Variants in TMIGD1 observed in about 807,000 individuals in gnomAD.
The protein encoded by TMIGD1 is transmembrane and immunoglobulin domain-containing protein 1.
Under a neutral mutation model 27.5 loss-of-function variants are expected in TMIGD1, and 29 were observed. The observed-to-expected ratio is 1.05, with a 90% CI of 0.78 to 1.44. The LOEUF (loss-of-function observed/expected upper bound fraction) is 1.44. Ranked by LOEUF, TMIGD1 falls within the 40% of genes most tolerant of loss-of-function variation. The probability of loss-of-function intolerance (pLI) is 0.00; values close to 1 mark genes in which losing one functional copy is unlikely to be tolerated. For missense variants in TMIGD1, 334 were observed against 310.6 expected (o/e 1.08, Z -0.57); for synonymous variants, 109 against 110.3 (o/e 0.99, Z 0.07).
intron 2 of TMIGD1, among the ~76,000 whole-genome samples, chr17:30,330,636 A>C (rs146390279): frequency 9.5e-4 from 144 of 152,298 alleles, no homozygotes; most frequent in African/African-American, 3.3e-3. Flanking sequence ...AAAGATGTTT[A>C]AGTAGTTGAG....
At chr17:30,328,913 G>C (rs1180084827) in intron 3 of TMIGD1, among the ~76,000 whole-genome samples, 3 of 142,584 alleles carry the variant, frequency 2.1e-5, no homozygotes, top group African/African-American at 7.9e-5. Context: ...GCAGTGAGCC[G>C]AGATTGCGCC....
chr17:30,316,745 T>G lies in TMIGD1; in HGVS notation c.786-55A>C, dbSNP rs1048422211. ...GATGCTCATAGCAATAAGAAAAAAA[T>G]TCAAAACAAAACCCATACTCTCTGA... On this transcript the variant is annotated intron_variant, in intron 6 of 6. Coordinates refer to ENST00000328886, the MANE Select transcript of TMIGD1 (RefSeq NM_206832.3). 13 of 1,555,718 alleles carry G rather than the reference T, an allele frequency of 8.4e-6. No homozygotes were observed. In the South Asian group the frequency reaches 1.5e-4, roughly 18 times the overall value.
At chr17:30,333,469 A>T (rs3103307) in intron 1 of TMIGD1, among the ~76,000 whole-genome samples, 55,211 of 151,418 alleles carry the variant, frequency 0.36, 10,521 homozygotes, top group Admixed American at 0.43. Context: ...ATAAAAAAAT[A>T]AAAAAAAGCT....
chr17:30,323,081 G>C (rs1909670482), intron 4 of TMIGD1, among the ~76,000 whole-genome samples: 1 of 152,190 alleles, frequency 6.6e-6, no homozygotes, highest in Non-Finnish European at 1.5e-5. Flanking sequence ...GAAGTGGAAA[G>C]ATCGCTTGAG....
At chr17:30,330,340 A>G (rs778080689) in intron 2 of TMIGD1, among the ~76,000 whole-genome samples, 19 of 152,210 alleles carry the variant, frequency 1.2e-4, no homozygotes, top group Non-Finnish European at 2.4e-4. Flanking sequence ...ACGCATGCAT[A>G]TATGTATATA....
rs764684694 is a variant in TMIGD1 at position 30,324,955 on chromosome 17, G to A, written c.501C>T (p.Ser167=). ...CACTTGTCTGTTGGATTTGGTGACG[G>A]CTTTTCTCTAAATCGAGGAGACTAC... ...KNSSLLDLEK[S]RHQIQQTSES... Residue 167 remains serine, a synonymous_variant, in exon 4 of 7, where the codon AGC becomes AGT. Coordinates refer to ENST00000328886, the MANE Select transcript of TMIGD1 (RefSeq NM_206832.3). 1.3e-5 allele frequency: 21 copies of A among 1,614,000 alleles called. No homozygotes were observed. The South Asian group carries it at 2.1e-4, about 16-fold the overall frequency.
chr17:30,331,939 T>A, intron 2 of TMIGD1, 113 bp downstream of exon 2: 1 of 693,354 alleles, frequency 1.4e-6, no homozygotes, highest in East Asian at 2.7e-5. Flanking sequence ...CCATGCTAAC[T>A]GTGTAGTCAT....
In TMIGD1 at chr17:30,318,411, AGT is replaced by A. The variant is rs375897392; in HGVS notation, c.744+397_744+398del. Among the ~76,000 whole-genome samples, 351 of 152,368 alleles carry A rather than the reference AGT, an allele frequency of 2.3e-3. 1 individual carries two copies. The highest frequency in any genetic ancestry group is 4.1e-3 in the Admixed American group (63 of 15,302). On this transcript the variant is annotated intron_variant, in intron 5 of 6. Coordinates refer to ENST00000328886, the MANE Select transcript of TMIGD1 (RefSeq NM_206832.3). ...CACTACAGCCAGGGCATGTGGCTATAGTCCAGAAGTGAGCAGCCAATGCCATC... is the reference window on the plus strand; with the variant it reads ...CACTACAGCCAGGGCATGTGGCTATACCAGAAGTGAGCAGCCAATGCCATC...
At position 30,325,026 on chromosome 17, in the gene TMIGD1, T is replaced by G. The variant is rs1208456792; in HGVS notation, c.430A>C (p.Asn144His). The change falls in exon 4 of 7, where the codon AAT becomes CAT. Residue 144 changes from asparagine (N) to histidine (H), a missense_variant. Coordinates refer to ENST00000328886, the MANE Select transcript of TMIGD1 (RefSeq NM_206832.3). Reference sequence around the variant, plus strand: ...TGAGCCTGGGGGTTGGCTTTCACATTGCAAACCAACTTCACATTACTGCCT... The same window carrying G: ...TGAGCCTGGGGGTTGGCTTTCACATGGCAAACCAACTTCACATTACTGCCT... ...EEGSNVKLVC[N>H]VKANPQAQMM... The G allele has an allele frequency of 6.2e-7, 1 of 1,614,022 alleles. No individual in the cohort carries two copies. Among genetic ancestry groups the G allele is most frequent in the Non-Finnish European group, 8.5e-7 (1 of 1,179,996 alleles).
At position 30,332,107 on chromosome 17, in the gene TMIGD1, CATT is replaced by C. The variant is rs1420854327; in HGVS notation, c.24_26del (p.Ile8del). Reference sequence around the variant, plus strand: ...CTAAGAGAAGAAATCTTCCCATTTGCATTATGACACTGCTCTTCCATGCCATCT... The same window carrying C: ...CTAAGAGAAGAAATCTTCCCATTTGCATGACACTGCTCTTCCATGCCATCT... On this transcript the variant is annotated inframe_deletion, in exon 2 of 7. Transcript: ENST00000328886. The C allele has an allele frequency of 6.2e-7, 1 of 1,613,514 alleles. No individual in the cohort carries two copies. Among genetic ancestry groups the C allele is most frequent in the Non-Finnish European group, 8.5e-7 (1 of 1,179,688 alleles).
Position 30,316,532 on chromosome 17 carries a change from G to T in TMIGD1, c.*155C>A. The T allele has an allele frequency of 1.5e-6, 1 of 677,152 alleles. No homozygotes were observed. Among genetic ancestry groups the T allele is most frequent in the Non-Finnish European group, 2.5e-6 (1 of 404,570 alleles). 41.9% of individuals were successfully genotyped at this position (677,152 alleles called of 1,614,324 possible). A position where few individuals can be genotyped will look rare whatever the true frequency, so the allele number is the denominator to read the frequency against. On this transcript the variant is annotated 3_prime_UTR_variant, in exon 7 of 7. Coordinates refer to ENST00000328886, the MANE Select transcript of TMIGD1 (RefSeq NM_206832.3). ...CTTTCCATAAAAATGTTCCACAAGTGTATCAAATTAGTCCTAACAACTACT... is the reference window on the plus strand; with the variant it reads ...CTTTCCATAAAAATGTTCCACAAGTTTATCAAATTAGTCCTAACAACTACT...
chr17:30,321,933 A>T (rs3110097), intron 4 of TMIGD1, among the ~76,000 whole-genome samples: 4,686 of 152,136 alleles, frequency 0.031, 107 homozygotes, highest in Admixed American at 0.043. Flanking sequence ...GGCTTAAGAG[A>T]TCCTCCTACT....
chr17:30,331,340 C>A (rs1389493331), intron 2 of TMIGD1, among the ~76,000 whole-genome samples: 1 of 150,232 alleles, frequency 6.7e-6, no homozygotes, highest in Non-Finnish European at 1.5e-5. Context: ...TTATAGATTG[C>A]CTGATTTATT....
chr17:30,329,601 T>C, intron 2 of TMIGD1, 72 bp from the exon 3 acceptor site: 1 of 1,292,372 alleles, frequency 7.7e-7, no homozygotes, highest in Non-Finnish European at 1.1e-6. Context: ...AGGGGATTGG[T>C]TAAATAAGTT....
In TMIGD1 at chr17:30,318,895, G is replaced by T; in HGVS notation, c.659C>A (p.Pro220Gln). ...LIVKDKTVGVPIEPIIAACVV... is the reference protein window; with the variant it reads ...LIVKDKTVGVQIEPIIAACVV... ...ACATGCAGCAATAATGGGCTCTATT[G>T]GTACACCCACAGTTTTATCTGTAGG... is the stretch of plus-strand genomic sequence containing the variant. The change falls in exon 5 of 7, where the codon CCA becomes CAA. Residue 220 changes from proline to glutamine, a missense_variant. Physicochemically the swap from Pro to Gln is moderately conservative, Grantham distance 76 (BLOSUM62 -1). Coordinates refer to ENST00000328886, the MANE Select transcript of TMIGD1 (RefSeq NM_206832.3). 3 of 1,613,018 alleles carry T rather than the reference G, an allele frequency of 1.9e-6. No homozygotes were observed. Among genetic ancestry groups the T allele is most frequent in the Non-Finnish European group, 2.5e-6 (3 of 1,179,164 alleles).
intron 2 of TMIGD1, among the ~76,000 whole-genome samples, chr17:30,330,309 A>G (rs1414414226): frequency 6.6e-6 from 1 of 152,124 alleles, no homozygotes; most frequent in African/African-American, 2.4e-5. Context: ...GAAAAAACCC[A>G]TATATATTGA....
chr17:30,330,058 C>T (rs1293051466), intron 2 of TMIGD1, among the ~76,000 whole-genome samples: 3 of 152,096 alleles, frequency 2.0e-5, no homozygotes, highest in African/African-American at 7.2e-5. Flanking sequence ...GAACTCCAGT[C>T]TGGGTGATAG....
chr17:30,321,508 A>T (rs1909620197), intron 4 of TMIGD1, among the ~76,000 whole-genome samples: 1 of 152,208 alleles, frequency 6.6e-6, no homozygotes, highest in Non-Finnish European at 1.5e-5. Flanking sequence ...GCAGTCAACA[A>T]ATATTTACTG....
rs370949679 is a variant in TMIGD1 at position 30,325,025 on chromosome 17, T to G, written c.431A>C (p.Asn144Thr). 1 of 1,614,128 alleles carries G rather than the reference T, an allele frequency of 6.2e-7. No individual in the cohort carries two copies. The highest frequency in any genetic ancestry group is 8.5e-7 in the Non-Finnish European group (1 of 1,179,986). Residue 144 changes from asparagine to threonine, a missense_variant, in exon 4 of 7, where the codon AAT becomes ACT. Coordinates refer to ENST00000328886, the MANE Select transcript of TMIGD1 (RefSeq NM_206832.3). ...EEGSNVKLVC[N>T]VKANPQAQMM... ...TTGAGCCTGGGGGTTGGCTTTCACA[T>G]TGCAAACCAACTTCACATTACTGCC...
Sources: allele counts gnomAD v4.1 joint callset (sites outside exome capture counted in the v4.1 genomes callset), GRCh38; gene constraint gnomAD v4.1.1; transcripts MANE v1.5; gene names NCBI Gene and HGNC (gene_info 2026-07-23, HGNC 2026-07-21).